Variants in FBH1 observed in about 807,000 individuals in gnomAD.
FBH1 encodes the protein DNA 3'-5' helicase 1.
Under a neutral mutation model 115.5 loss-of-function variants are expected in FBH1, and 43 were observed. The observed-to-expected ratio is 0.37, with a 90% CI of 0.29 to 0.48. The LOEUF (loss-of-function observed/expected upper bound fraction) is 0.48. Ranked by LOEUF, FBH1 falls within the 20% of genes least tolerant of loss-of-function variation. The probability of loss-of-function intolerance (pLI) is 0.99; values close to 1 mark genes in which losing one functional copy is unlikely to be tolerated. For missense variants in FBH1, 1,001 were observed against 1,337.3 expected (o/e 0.75, Z 3.92); for synonymous variants, 524 against 507.8 (o/e 1.03, Z -0.43).
rs558961654 is a variant in FBH1 at position 5,895,114 on chromosome 10, G to A, written c.1+4768G>A. ...GTGATAATGGGCTACATTGCGCAGGGCCCCTGGGCCATCTCCACAGGAGAT... is the reference window on the plus strand; with the variant it reads ...GTGATAATGGGCTACATTGCGCAGGACCCCTGGGCCATCTCCACAGGAGAT... On this transcript the variant is annotated intron_variant, in intron 1 of 20. Transcript: ENST00000362091. The surrounding 1 kb of genome is among the most constrained non-coding windows in gnomAD (Gnocchi z 5.0). The A allele has an allele frequency of 1.9e-6, 3 of 1,614,074 alleles. No individual in the cohort carries two copies. Among genetic ancestry groups the A allele is most frequent in the Non-Finnish European group, 2.5e-6 (3 of 1,179,966 alleles).
intron 18 of FBH1, 59 bp from the exon 19 acceptor site, chr10:5,927,376 G>A: frequency 1.6e-6 from 2 of 1,282,248 alleles, no homozygotes; most frequent in African/African-American, 1.5e-5. Flanking sequence ...TGAGACATAA[G>A]GTTTTGTAAG....
chr10:5,903,796 A>G (rs76726377), intron 2 of FBH1, among the ~76,000 whole-genome samples: 7,346 of 152,232 alleles, frequency 0.048, 249 homozygotes, highest in East Asian at 0.15. Context: ...CTCTTCATTC[A>G]TCTTCTCTGT....
chr10:5,909,587 C>G lies in FBH1; in HGVS notation c.1020+293C>G. 2.7e-6 allele frequency: 1 copy of G among 363,866 alleles called. No homozygotes were observed. Among genetic ancestry groups the G allele is most frequent in the Non-Finnish European group, 5.0e-6 (1 of 201,904 alleles). 22.5% of individuals were successfully genotyped at this position (363,866 alleles called of 1,614,324 possible). A position where few individuals can be genotyped will look rare whatever the true frequency, so the allele number is the denominator to read the frequency against. On this transcript the variant is annotated intron_variant, in intron 5 of 20. Transcript: ENST00000362091. This position sits in a 1 kb window ranked among gnomAD's most constrained non-coding sequence, Gnocchi z 4.4. ...GAAAAGTGGTCATCTAGCCTCTGAACACTTTTAATAATAGGATTTCTTTAC... is the reference window on the plus strand; with the variant it reads ...GAAAAGTGGTCATCTAGCCTCTGAAGACTTTTAATAATAGGATTTCTTTAC...
In FBH1 at chr10:5,915,417, T is replaced by G. The variant is rs760467325; in HGVS notation, c.1411T>G (p.Ser471Ala). Reference protein sequence around the residue: ...IMAFAGTGKTSTLVKYAEKWS... With the variant: ...IMAFAGTGKTATLVKYAEKWS... The stretch of plus-strand genomic sequence containing the variant: ...GGCTTCCCCAGGCACTGGGAAGACC[T>G]CAACGCTGGTCAAGTATGCAGAGAA... The change falls in exon 9 of 21, where the codon TCA (serine) becomes GCA (alanine). Residue 471 changes from serine (S) to alanine (A), a missense_variant. Physicochemically the swap from Ser to Ala is moderately conservative, Grantham distance 99 (BLOSUM62 1). Around this residue, in one of 4 missense-constraint regions of FBH1, gnomAD observed 521 missense variants for 811.0 expected, o/e 0.64. Coordinates refer to ENST00000362091, the MANE Select transcript of FBH1 (RefSeq NM_178150.3). The surrounding 1 kb of genome is among the most constrained non-coding windows in gnomAD (Gnocchi z 5.2). 6.2e-7 allele frequency: 1 copy of G among 1,614,208 alleles called. No homozygotes were observed.
Position 5,909,402 on chromosome 10 carries a change from T to C in FBH1, c.1020+108T>C. 7.8e-7 allele frequency: 1 copy of C among 1,282,012 alleles called. No homozygotes were observed. The highest frequency in any genetic ancestry group is 1.5e-5 in the South Asian group (1 of 66,386). 79.4% of individuals were successfully genotyped at this position (1,282,012 alleles called of 1,614,324 possible). ...ACTTTATATTTATTTTTAATGTCTGTATTTAATCTCTGAATGCTTTGAAGC... is the reference window on the plus strand; with the variant it reads ...ACTTTATATTTATTTTTAATGTCTGCATTTAATCTCTGAATGCTTTGAAGC... On this transcript the variant is annotated intron_variant, in intron 5 of 20. Coordinates refer to ENST00000362091, the MANE Select transcript of FBH1 (RefSeq NM_178150.3). The surrounding 1 kb of genome is among the most constrained non-coding windows in gnomAD (Gnocchi z 4.4).
In FBH1 at chr10:5,924,608, C is replaced by T; in HGVS notation, c.2596+100C>T. 1 of 1,257,890 alleles carries T rather than the reference C, an allele frequency of 7.9e-7. No individual in the cohort carries two copies. The highest frequency in any genetic ancestry group is 1.1e-6 in the Non-Finnish European group (1 of 893,532). The allele number at this position is 1,257,890 out of a possible 1,614,324, so 77.9% of individuals were successfully genotyped here. ...TTTGAGACAGAGTATTGCTCTGTTGCCCAGGCTGGAGTGCAGTGGCGTGAT... is the reference window on the plus strand; with the variant it reads ...TTTGAGACAGAGTATTGCTCTGTTGTCCAGGCTGGAGTGCAGTGGCGTGAT... On this transcript the variant is annotated intron_variant, in intron 17 of 20. Coordinates refer to ENST00000362091, the MANE Select transcript of FBH1 (RefSeq NM_178150.3). This position sits in a 1 kb window ranked among gnomAD's most constrained non-coding sequence, Gnocchi z 6.2.
At position 5,918,814 on chromosome 10, in the gene FBH1, T is replaced by C. The variant is rs1228472129; in HGVS notation, c.2100+336T>C. Reference sequence around the variant, plus strand: ...TTTTTCAAAGACAAGTGAAACAAGCTGCGACTTCAGGGAAAATAACTGACA... The same window carrying C: ...TTTTTCAAAGACAAGTGAAACAAGCCGCGACTTCAGGGAAAATAACTGACA... On this transcript the variant is annotated intron_variant, in intron 13 of 20. Transcript: ENST00000362091. This position sits in a 1 kb window ranked among gnomAD's most constrained non-coding sequence, Gnocchi z 4.0. Among the ~76,000 whole-genome samples the C allele has an allele frequency of 6.6e-6, 1 of 152,258 alleles. No homozygotes were observed. Among genetic ancestry groups the C allele is most frequent in the African/African-American group, 2.4e-5 (1 of 41,474 alleles).
In FBH1 at chr10:5,931,664, A is replaced by G. The variant is rs1238114723; in HGVS notation, c.2829+4123A>G. On this transcript the variant is annotated intron_variant, in intron 19 of 20. Transcript: ENST00000362091. The surrounding 1 kb of genome is among the most constrained non-coding windows in gnomAD (Gnocchi z 4.3). ...AGCTCCATTTCTCCATGAATGATGT[A>G]TTTATTAGTCAAAATATCATGTTCT... 1.3e-5 allele frequency among the ~76,000 whole-genome samples: 2 copies of G among 152,216 alleles called. No individual in the cohort carries two copies. The highest frequency in any genetic ancestry group is 1.9e-4 in the East Asian group (1 of 5,208).
Position 5,906,506 on chromosome 10 carries a change from G to A in FBH1, c.627G>A (p.Leu209=). 1 of 1,614,126 alleles carries A rather than the reference G, an allele frequency of 6.2e-7. No homozygotes were observed. The highest frequency in any genetic ancestry group is 8.5e-7 in the Non-Finnish European group (1 of 1,180,020). The change falls in exon 3 of 21, where the codon CTG becomes CTA. Residue 209 remains leucine, a synonymous_variant. Coordinates refer to ENST00000362091, the MANE Select transcript of FBH1 (RefSeq NM_178150.3). This position sits in a 1 kb window ranked among gnomAD's most constrained non-coding sequence, Gnocchi z 7.3. The part of the protein sequence containing the change: ...LLGTLPCQEA[L]SHICSLPSEV... ...GGACCTTGCCCTGCCAGGAAGCACT[G>A]AGCCACATTTGCAGCCTGCCTAGTG...
At position 5,936,516 on chromosome 10, in the gene FBH1, T is replaced by C; in HGVS notation, c.2890T>C (p.Cys964Arg). 1.9e-6 allele frequency: 3 copies of C among 1,614,190 alleles called. No homozygotes were observed. Among genetic ancestry groups the C allele is most frequent in the Non-Finnish European group, 2.5e-6 (3 of 1,180,020 alleles). The change falls in exon 20 of 21, where the codon TGC becomes CGC. Residue 964 changes from cysteine (C) to arginine (R), a missense_variant. Cys to Arg is a radical substitution (Grantham distance 180, BLOSUM62 -3). Coordinates refer to ENST00000362091, the MANE Select transcript of FBH1 (RefSeq NM_178150.3). This position sits in a 1 kb window ranked among gnomAD's most constrained non-coding sequence, Gnocchi z 5.6. ...CTTAAAAACAGGCGTGGTGCGCTGC[T>C]GCGTGGGACAGTGCAACAATGCCAT... The part of the protein sequence containing the change: ...NVLKTGVVRC[C>R]VGQCNNAIPV...
rs1833385074 is a variant in FBH1, at chr10:5,936,750, G to A, written c.2961+163G>A. 5 of 924,724 alleles carry A rather than the reference G, an allele frequency of 5.4e-6. No individual in the cohort carries two copies. The South Asian group carries it at 8.3e-5, about 15-fold the overall frequency. The allele number at this position is 924,724 out of a possible 1,614,324, so 57.3% of individuals were successfully genotyped here. On this transcript the variant is annotated intron_variant, in intron 20 of 20. Transcript: ENST00000362091. The surrounding 1 kb of genome is among the most constrained non-coding windows in gnomAD (Gnocchi z 5.6). ...CAAGAGGTGTGTGGTCTGTCCCAGG[G>A]TCAGAGGTCAGGGCACGTGATGCTG...
Position 5,910,776 on chromosome 10 carries a change from C to T in FBH1, c.1021-162C>T, listed in dbSNP as rs61834494. Reference sequence around the variant, plus strand: ...GGAGTCCAGGGCGAACAGAAGGGCTCCCCTGTTTCCCAAATACAACTTGGA... The same window carrying T: ...GGAGTCCAGGGCGAACAGAAGGGCTTCCCTGTTTCCCAAATACAACTTGGA... On this transcript the variant is annotated intron_variant, in intron 5 of 20. Coordinates refer to ENST00000362091, the MANE Select transcript of FBH1 (RefSeq NM_178150.3). This position sits in a 1 kb window ranked among gnomAD's most constrained non-coding sequence, Gnocchi z 4.8. Among the ~76,000 whole-genome samples the T allele has an allele frequency of 0.095, 14,431 of 152,274 alleles. 736 individuals carry two copies. Among genetic ancestry groups the T allele is most frequent in the Middle Eastern group, 0.13 (38 of 294 alleles).
At position 5,917,277 on chromosome 10, in the gene FBH1, C is replaced by G. The variant is rs1832024055; in HGVS notation, c.1789-143C>G. ...GCGTGGAGAGGCTGTTGAGGAGACCCAGGAGGTTAGGGTGGTGTCTGCGGT... is the reference window on the plus strand; with the variant it reads ...GCGTGGAGAGGCTGTTGAGGAGACCGAGGAGGTTAGGGTGGTGTCTGCGGT... On this transcript the variant is annotated intron_variant, in intron 10 of 20. Transcript: ENST00000362091. The surrounding 1 kb of genome is among the most constrained non-coding windows in gnomAD (Gnocchi z 5.6). 1 of 672,016 alleles carries G rather than the reference C, an allele frequency of 1.5e-6. No individual in the cohort carries two copies. The highest frequency in any genetic ancestry group is 2.7e-6 in the Non-Finnish European group (1 of 374,234). 41.6% of individuals were successfully genotyped at this position (672,016 alleles called of 1,614,324 possible).
chr10:5,915,332 G>A lies in FBH1; in HGVS notation c.1397-71G>A. ...CAGAGGTGTGATAAGCCTGGACAAGGCCTGATTGGGGATCCCTGGGCATGT... is the reference window on the plus strand; with the variant it reads ...CAGAGGTGTGATAAGCCTGGACAAGACCTGATTGGGGATCCCTGGGCATGT... On this transcript the variant is annotated intron_variant, in intron 8 of 20. Coordinates refer to ENST00000362091, the MANE Select transcript of FBH1 (RefSeq NM_178150.3). The surrounding 1 kb of genome is among the most constrained non-coding windows in gnomAD (Gnocchi z 5.2). The A allele has an allele frequency of 6.5e-7, 1 of 1,530,160 alleles. No homozygotes were observed. The highest frequency in any genetic ancestry group is 8.9e-7 in the Non-Finnish European group (1 of 1,118,152). The allele number at this position is 1,530,160 out of a possible 1,614,324, so 94.8% of individuals were successfully genotyped here. A position where few individuals can be genotyped will look rare whatever the true frequency, so the allele number is the denominator to read the frequency against.
At chr10:5,902,383 AT>A (rs1467517778) in intron 1 of FBH1, among the ~76,000 whole-genome samples, 1 of 152,256 alleles carries the variant, frequency 6.6e-6, no homozygotes, top group Non-Finnish European at 1.5e-5. Flanking sequence ...ATTTAAAAAA[AT>A]ATATAGCCGA....
At chr10:5,930,402 G>A (rs633797) in intron 19 of FBH1, among the ~76,000 whole-genome samples, 52,253 of 152,052 alleles carry the variant, frequency 0.34, 10,556 homozygotes, top group East Asian at 0.68. Context: ...TGGGTCATTC[G>A]TCCTACAGAG....
rs1038516160 is a variant in FBH1, at chr10:5,935,105, T to C, written c.2830-1351T>C. ...GTTAAGTCATGTTTTGTGAAACTTT[T>C]CTTCCATGTGTGTTTCTTACATATG... On this transcript the variant is annotated intron_variant, in intron 19 of 20. Coordinates refer to ENST00000362091, the MANE Select transcript of FBH1 (RefSeq NM_178150.3). The surrounding 1 kb of genome is among the most constrained non-coding windows in gnomAD (Gnocchi z 5.2). The C allele has an allele frequency of 6.6e-6, 1 of 152,244 alleles. No homozygotes were observed. Among genetic ancestry groups the C allele is most frequent in the African/African-American group, 2.4e-5 (1 of 41,458 alleles). The allele number at this position is 152,244 out of a possible 1,614,324, so 9.4% of individuals were successfully genotyped here.
In FBH1 at chr10:5,933,944, G is replaced by A. The variant is rs1243203440; in HGVS notation, c.2830-2512G>A. Among the ~76,000 whole-genome samples the A allele has an allele frequency of 2.6e-5, 4 of 152,188 alleles. No homozygotes were observed. The highest frequency in any genetic ancestry group is 6.5e-5 in the Admixed American group (1 of 15,280). On this transcript the variant is annotated intron_variant, in intron 19 of 20. Transcript: ENST00000362091. This position sits in a 1 kb window ranked among gnomAD's most constrained non-coding sequence, Gnocchi z 4.9. ...TGGGATTATAGGCGTGAGCCACCATGTCCAGCCTTTTTTGTTGTTGTTGAT... is the reference window on the plus strand; with the variant it reads ...TGGGATTATAGGCGTGAGCCACCATATCCAGCCTTTTTTGTTGTTGTTGAT...
In FBH1 at chr10:5,933,277, A is replaced by C. The variant is rs1403637029; in HGVS notation, c.2830-3179A>C. Among the ~76,000 whole-genome samples the C allele has an allele frequency of 6.6e-6, 1 of 152,150 alleles. No homozygotes were observed. Among genetic ancestry groups the C allele is most frequent in the Non-Finnish European group, 1.5e-5 (1 of 68,032 alleles). On this transcript the variant is annotated intron_variant, in intron 19 of 20. Transcript: ENST00000362091. This position sits in a 1 kb window ranked among gnomAD's most constrained non-coding sequence, Gnocchi z 4.9. ...GTGGCGTATGCCTGTAATCCCAGCTACTCAGGAGGCTGAGGCAGGAGAATC... is the reference window on the plus strand; with the variant it reads ...GTGGCGTATGCCTGTAATCCCAGCTCCTCAGGAGGCTGAGGCAGGAGAATC...
Sources: gnomAD v4.1 joint callset for allele counts (sites outside exome capture counted in the v4.1 genomes callset) on GRCh38, gnomAD v4.1.1 for gene constraint, gnomAD v4.1.1 regional missense constraint, Gnocchi (gnomAD v3.1) non-coding constraint, MANE v1.5 for transcripts, NCBI Gene and HGNC (gene_info 2026-07-23, HGNC 2026-07-21) for gene names.